The following TMEM9 variants were observed in gnomAD, a reference collection of about 807,000 sequenced individuals.
TMEM9 encodes proton-transporting V-type ATPase complex assembly regulator TMEM9.
Under a neutral mutation model 22.8 loss-of-function variants are expected in TMEM9, and 13 were observed. That is an observed-to-expected ratio of 0.57 (90% CI 0.37 to 0.91). The LOEUF (loss-of-function observed/expected upper bound fraction) is 0.91, where lower values mean the gene tolerates loss of function less well. Among genes scored for constraint, TMEM9 ranks in the 40% least tolerant of loss-of-function variants. The probability of loss-of-function intolerance (pLI) is 0.01; values close to 1 mark genes in which losing one functional copy is unlikely to be tolerated. For missense variants in TMEM9, 182 were observed against 238.1 expected (o/e 0.76, Z 1.55); for synonymous variants, 88 against 93.0 (o/e 0.95, Z 0.31).
intron 4 of TMEM9, among the ~76,000 whole-genome samples, chr1:201,137,825 G>A (rs1453710806): frequency 6.6e-6 from 1 of 152,224 alleles, no homozygotes; most frequent in Non-Finnish European, 1.5e-5. Context: ...AGGCAGTAAG[G>A]CTGGCGGCTG....
At chr1:201,157,706 A>C (rs1244251336), upstream of TMEM9, among the ~76,000 whole-genome samples, 1 of 152,222 alleles carries the variant, frequency 6.6e-6, no homozygotes, top group African/African-American at 2.4e-5. Flanking sequence ...TTATTGCAAG[A>C]AAACCACAAA....
intron 3 of TMEM9, among the ~76,000 whole-genome samples, chr1:201,145,985 T>C (rs757819445): frequency 6.6e-6 from 1 of 151,960 alleles, no homozygotes; most frequent in Non-Finnish European, 1.5e-5. Flanking sequence ...AAAAAAGAAA[T>C]GGCTATGTAA....
chr1:201,166,109 A>G (rs1666070042), intron 1 of TMEM9, among the ~76,000 whole-genome samples: 1 of 152,144 alleles, frequency 6.6e-6, no homozygotes, highest in South Asian at 2.1e-4. Flanking sequence ...ACCATCCTAT[A>G]AAATCCCCGG....
chr1:201,168,014 G>C (rs1241178258), intron 1 of TMEM9, among the ~76,000 whole-genome samples: 1 of 152,134 alleles, frequency 6.6e-6, no homozygotes, highest in Non-Finnish European at 1.5e-5. Flanking sequence ...AAATCATACA[G>C]TAACTACTCT....
At position 201,151,950 on chromosome 1, in the gene TMEM9, G is replaced by C. The variant is rs964913145; in HGVS notation, c.67-98C>G. ...TTGTCAACTTTCTGTTCCCCATCCT[G>C]TTAGGTGAACCATATCTATGCTCTT... On this transcript the variant is annotated intron_variant, in intron 1 of 4. Coordinates refer to ENST00000367330, the MANE Select transcript of TMEM9 (RefSeq NM_001288565.2). The C allele has an allele frequency of 9.1e-6, 8 of 877,288 alleles. No homozygotes were observed. In the African/African-American group the frequency reaches 1.3e-4, roughly 14 times the overall value. 54.3% of individuals were successfully genotyped at this position (877,288 alleles called of 1,614,324 possible).
intron 1 of TMEM9, among the ~76,000 whole-genome samples, chr1:201,171,183 T>C (rs1666202590): frequency 6.6e-6 from 1 of 151,498 alleles, no homozygotes; most frequent in East Asian, 1.9e-4. Flanking sequence ...CGGGGGGCGG[T>C]GCGGCAGGTG....
upstream of TMEM9, among the ~76,000 whole-genome samples, chr1:201,154,817 A>G (rs1665731587): frequency 6.6e-6 from 1 of 152,182 alleles, no homozygotes; most frequent in South Asian, 2.1e-4. Context: ...ACGAGATTGA[A>G]GGGCTTTGTC....
chr1:201,171,323 G>C (rs945528631), intron 1 of TMEM9, among the ~76,000 whole-genome samples: 2 of 152,236 alleles, frequency 1.3e-5, no homozygotes, highest in African/African-American at 4.8e-5. Context: ...TGCACTGGCC[G>C]CTGGGTCCCA....
intron 4 of TMEM9, among the ~76,000 whole-genome samples, chr1:201,141,908 T>C (rs2102237866): frequency 6.6e-6 from 1 of 152,264 alleles, no homozygotes; most frequent in South Asian, 2.1e-4. Context: ...AACAAGGCCA[T>C]GCCCCAGAGC....
chr1:201,139,544 T>A (rs1664322266), intron 4 of TMEM9, among the ~76,000 whole-genome samples: 1 of 152,054 alleles, frequency 6.6e-6, no homozygotes, highest in African/African-American at 2.4e-5. Context: ...CTGCTGGGCC[T>A]GACATTCAAG....
intron 4 of TMEM9, among the ~76,000 whole-genome samples, chr1:201,139,985 C>T (rs1664379754): frequency 6.6e-6 from 1 of 152,176 alleles, no homozygotes; most frequent in African/African-American, 2.4e-5. Context: ...GGGAGGAGGC[C>T]GACTGGATTG....
intron 2 of TMEM9, among the ~76,000 whole-genome samples, chr1:201,151,212 T>G (rs1424929714): frequency 6.6e-6 from 1 of 152,228 alleles, no homozygotes; most frequent in Non-Finnish European, 1.5e-5. Flanking sequence ...AAAACTTCCC[T>G]TCACCGCACT....
upstream of TMEM9, among the ~76,000 whole-genome samples, chr1:201,156,013 G>C (rs574256592): frequency 6.6e-6 from 1 of 152,066 alleles, no homozygotes; most frequent in Non-Finnish European, 1.5e-5. Context: ...TTCAAGTACT[G>C]GAAAAAGACA....
chr1:201,161,317 T>C (rs1238795926), intron 1 of TMEM9, among the ~76,000 whole-genome samples: 1 of 152,216 alleles, frequency 6.6e-6, no homozygotes, highest in South Asian at 2.1e-4. Context: ...TTAGTATTTC[T>C]AGGAAAATAG....
rs142541171 is a variant in TMEM9 at position 201,153,925 on chromosome 1, C to T, written c.-2G>A. 1.4e-4 allele frequency: 225 copies of T among 1,608,222 alleles called. No individual in the cohort carries two copies. The highest frequency in any genetic ancestry group is 1.8e-4 in the Non-Finnish European group (214 of 1,176,716). ...AGCCACCAAAGATAAGAGCTTCATG[C>T]TTATCAGGCTTGCTGGGCCAGCAAA... On this transcript the variant is annotated 5_prime_UTR_variant, in exon 1 of 5. Transcript: ENST00000367330.
At chr1:201,168,562 T>C (rs1558123128) in intron 1 of TMEM9, among the ~76,000 whole-genome samples, 1 of 152,044 alleles carries the variant, frequency 6.6e-6, no homozygotes, top group Non-Finnish European at 1.5e-5. Context: ...CTACTAAAAA[T>C]GCAAAAATTA....
At chr1:201,159,855 A>G (rs994528587) in intron 1 of TMEM9, among the ~76,000 whole-genome samples, 1 of 152,182 alleles carries the variant, frequency 6.6e-6, no homozygotes, top group Non-Finnish European at 1.5e-5. Flanking sequence ...ATTTAAATTG[A>G]TATACTAGAC....
intron 1 of TMEM9, among the ~76,000 whole-genome samples, chr1:201,153,102 T>C (rs1299175895): frequency 6.6e-6 from 1 of 152,228 alleles, no homozygotes; most frequent in African/African-American, 2.4e-5. Flanking sequence ...CAGAAAGCCT[T>C]ATGTTGCTGT....
chr1:201,165,352 G>A (rs1052239079), intron 1 of TMEM9, among the ~76,000 whole-genome samples: 1 of 151,250 alleles, frequency 6.6e-6, no homozygotes, highest in East Asian at 1.9e-4. Context: ...TGCTCATGGT[G>A]AATACAGAAA....
Sources: gnomAD v4.1 joint callset for allele counts (sites outside exome capture counted in the v4.1 genomes callset) on GRCh38, gnomAD v4.1.1 for gene constraint, MANE v1.5 for transcripts, NCBI Gene and HGNC (gene_info 2026-07-23, HGNC 2026-07-21) for gene names.